The following AGBL4 variants were observed in gnomAD, a reference collection of about 807,000 sequenced individuals.
AGBL4 encodes AGBL carboxypeptidase 4, also known as cytosolic carboxypeptidase 6.
A neutral mutation model predicts 66.4 loss-of-function variants in AGBL4; 58 were observed. The observed-to-expected ratio is 0.87, with a 90% confidence interval of 0.71 to 1.09. The LOEUF (loss-of-function observed/expected upper bound fraction) is 1.09. Among genes scored for constraint, AGBL4 ranks in the 50% least tolerant of loss-of-function variants. The probability of loss-of-function intolerance (pLI) is 0.00; values close to 1 mark genes in which losing one functional copy is unlikely to be tolerated. For missense variants in AGBL4, 579 were observed against 631.0 expected (o/e 0.92, Z 0.88); for synonymous variants, 234 against 222.9 (o/e 1.05, Z -0.44).
At chr1:48,724,169 AACCATTTAGCCCCTCTCTTGGGGGGCAC>A (rs1647194147) in intron 6 of AGBL4, among the ~76,000 whole-genome samples, 1 of 152,148 alleles carries the variant, frequency 6.6e-6, no homozygotes. Context: ...TAACACTGAC[AACCATTTAGCCCCTCTCTTGGGGGGCAC>A]ATTAATTACA....
intron 2 of AGBL4, among the ~76,000 whole-genome samples, chr1:49,829,551 G>A (rs1037066981): frequency 6.6e-6 from 1 of 152,132 alleles, no homozygotes; most frequent in Admixed American, 6.5e-5. Context: ...AAATAAAGAT[G>A]TAATGGTATA....
At chr1:50,020,951 C>T (rs1212261006) in intron 1 of AGBL4, among the ~76,000 whole-genome samples, 1 of 152,186 alleles carries the variant, frequency 6.6e-6, no homozygotes, top group African/African-American at 2.4e-5. Flanking sequence ...AATCCTGACA[C>T]TGGACTGTGA....
At chr1:48,823,600 C>T (rs549507585) in intron 6 of AGBL4, among the ~76,000 whole-genome samples, 41 of 152,332 alleles carry the variant, frequency 2.7e-4, no homozygotes, top group African/African-American at 9.6e-4. Context: ...GGAAAAGCTT[C>T]CTGCCCCTTC....
Position 48,587,161 on chromosome 1 carries a change from G to A in AGBL4, c.1110C>T (p.Ser370=). The change falls in exon 11 of 14, where the codon AGC becomes AGT. Residue 370 remains serine, a synonymous_variant. Transcript: ENST00000371839. ...CQNAEDFSYS[S]TSFNRDAVKA... is the part of the protein sequence containing the mutation. ...TCACAGCGTCCCGGTTAAAGGATGT[G>A]CTGGACTGTGAAAGACAGAGTAGGG... 3 of 1,552,306 alleles carry A rather than the reference G, an allele frequency of 1.9e-6. No homozygotes were observed. The highest frequency in any genetic ancestry group is 2.6e-6 in the Non-Finnish European group (3 of 1,147,536).
At chr1:48,854,138 G>T (rs924304714) in intron 6 of AGBL4, among the ~76,000 whole-genome samples, 2 of 152,112 alleles carry the variant, frequency 1.3e-5, no homozygotes, top group Non-Finnish European at 2.9e-5. Context: ...GAAAAACTAA[G>T]CCCCAAGGCA....
chr1:49,749,801 A>G (rs1478355624), intron 2 of AGBL4, among the ~76,000 whole-genome samples: 1 of 152,174 alleles, frequency 6.6e-6, no homozygotes, highest in Non-Finnish European at 1.5e-5. Context: ...TGTAGAGTCA[A>G]TGGAAACACA....
At chr1:49,171,786 A>G (rs1401054127) in intron 4 of AGBL4, among the ~76,000 whole-genome samples, 2 of 152,178 alleles carry the variant, frequency 1.3e-5, no homozygotes, top group Non-Finnish European at 2.9e-5. Flanking sequence ...GCCCTAATAT[A>G]CTACATGTAT....
At chr1:49,657,509 T>G (rs1452300666) in intron 3 of AGBL4, among the ~76,000 whole-genome samples, 1 of 152,092 alleles carries the variant, frequency 6.6e-6, no homozygotes, top group Non-Finnish European at 1.5e-5. Flanking sequence ...AAAAACTGCT[T>G]TAAAGTTCAT....
At chr1:50,004,987 G>A (rs1308143236) in intron 1 of AGBL4, among the ~76,000 whole-genome samples, 1 of 152,074 alleles carries the variant, frequency 6.6e-6, no homozygotes, top group Non-Finnish European at 1.5e-5. Context: ...GGAATGTAGA[G>A]CACAAGCAGA....
chr1:48,733,265 A>C (rs775999063), intron 6 of AGBL4, among the ~76,000 whole-genome samples: 22 of 152,182 alleles, frequency 1.4e-4, no homozygotes, highest in Non-Finnish European at 2.6e-4. Flanking sequence ...CAGGAGCATA[A>C]CTGAAGGAAC....
At chr1:49,320,605 G>A (rs72684863) in intron 3 of AGBL4, among the ~76,000 whole-genome samples, 6,696 of 152,214 alleles carry the variant, frequency 0.044, 235 homozygotes, top group Non-Finnish European at 0.064. Context: ...CATAGGATGT[G>A]AAATAGGAAT....
chr1:48,530,983 C>A (rs567798265), downstream of AGBL4, among the ~76,000 whole-genome samples: 6 of 152,276 alleles, frequency 3.9e-5, no homozygotes, highest in African/African-American at 1.2e-4. Context: ...GTGCTGTCCT[C>A]CATCTCAGTG....
chr1:48,638,041 C>G (rs1468355462), intron 8 of AGBL4, among the ~76,000 whole-genome samples: 1 of 152,200 alleles, frequency 6.6e-6, no homozygotes, highest in Admixed American at 6.5e-5. Context: ...AGTTATGTGC[C>G]TCTCCTCTGC....
chr1:49,567,142 C>A (rs190899349), intron 3 of AGBL4, among the ~76,000 whole-genome samples: 19 of 152,352 alleles, frequency 1.2e-4, no homozygotes, highest in Non-Finnish European at 1.8e-4. Context: ...TTGTTAAGAC[C>A]ATTGGAAAAG....
chr1:49,632,624 C>A (rs116558506), intron 3 of AGBL4, among the ~76,000 whole-genome samples: 277 of 152,298 alleles, frequency 1.8e-3, no homozygotes, highest in Middle Eastern at 3.4e-3. Flanking sequence ...AGGAGATACT[C>A]CTATTTCCTT....
At chr1:49,518,840 G>A (rs905254700) in intron 3 of AGBL4, among the ~76,000 whole-genome samples, 3 of 152,002 alleles carry the variant, frequency 2.0e-5, no homozygotes, top group African/African-American at 7.2e-5. Context: ...CTAAAAGCAG[G>A]CCAATAAACT....
intron 6 of AGBL4, among the ~76,000 whole-genome samples, chr1:48,848,360 C>A (rs1055445097): frequency 6.6e-6 from 1 of 152,146 alleles, no homozygotes; most frequent in Non-Finnish European, 1.5e-5. Context: ...TCAGGTGAAG[C>A]CATAAAGTAT....
At chr1:49,312,081 C>A (rs957299740) in intron 3 of AGBL4, among the ~76,000 whole-genome samples, 4 of 152,016 alleles carry the variant, frequency 2.6e-5, no homozygotes, top group African/African-American at 9.7e-5. Flanking sequence ...GAGACAATTT[C>A]TGCTATGGTT....
At chr1:48,806,273 T>C (rs1645921874) in intron 6 of AGBL4, among the ~76,000 whole-genome samples, 1 of 152,140 alleles carries the variant, frequency 6.6e-6, no homozygotes, top group South Asian at 2.1e-4. Flanking sequence ...CATGTGAAGA[T>C]GGTAGAATGG....
Sources: allele counts gnomAD v4.1 joint callset (sites outside exome capture counted in the v4.1 genomes callset), GRCh38; gene constraint gnomAD v4.1.1; transcripts MANE v1.5; gene names NCBI Gene and HGNC (gene_info 2026-07-23, HGNC 2026-07-21).